Variants in SLC9A9 observed in about 807,000 individuals in gnomAD.
SLC9A9 encodes solute carrier family 9 member A9, also known as sodium/hydrogen exchanger 9.
A neutral mutation model predicts 77.8 loss-of-function variants in SLC9A9; 62 were observed. The ratio of observed to expected loss-of-function variants is 0.80; its 90% CI spans 0.65 to 0.98. The LOEUF is 0.98. Among genes scored for constraint, SLC9A9 ranks in the 50% least tolerant of loss-of-function variants. The pLI, the probability that SLC9A9 is intolerant of heterozygous loss-of-function variation, is 0.00. For missense variants in SLC9A9, 775 were observed against 774.9 expected, an observed-to-expected ratio of 1.00 and a Z score of 0.00; for synonymous variants, 320 against 283.5, an observed-to-expected ratio of 1.13 and a Z score of -1.29.
At chr3:143,615,354 T>C (rs2108704522) in intron 6 of SLC9A9, among the ~76,000 whole-genome samples, 1 of 152,342 alleles carries the variant, frequency 6.6e-6, no homozygotes, top group African/African-American at 2.4e-5. Flanking sequence ...CTGACCGAGA[T>C]TGAATACAGG....
chr3:143,423,517 G>C (rs997062813), intron 12 of SLC9A9, among the ~76,000 whole-genome samples: 2 of 152,112 alleles, frequency 1.3e-5, no homozygotes, highest in African/African-American at 4.8e-5. Context: ...ACATGTTAAG[G>C]GCGGAGCAGA....
At chr3:143,366,656 T>C (rs1463250840) in intron 13 of SLC9A9, among the ~76,000 whole-genome samples, 5 of 152,230 alleles carry the variant, frequency 3.3e-5, no homozygotes, top group Admixed American at 2.6e-4. Context: ...CAGACACTAT[T>C]CTAAGTACTT....
At chr3:143,394,087 C>T (rs900378238) in intron 12 of SLC9A9, among the ~76,000 whole-genome samples, 1 of 152,186 alleles carries the variant, frequency 6.6e-6, no homozygotes, top group Non-Finnish European at 1.5e-5. Context: ...GGGAATCCCC[C>T]CTAACTCATT....
intron 5 of SLC9A9, among the ~76,000 whole-genome samples, chr3:143,672,828 C>A (rs1002386581): frequency 2.0e-5 from 3 of 152,196 alleles, no homozygotes; most frequent in African/African-American, 7.2e-5. Flanking sequence ...TCCCCCCAAC[C>A]TTTAAAAAAT....
intron 4 of SLC9A9, among the ~76,000 whole-genome samples, chr3:143,703,609 G>A (rs1347143868): frequency 6.6e-6 from 1 of 151,514 alleles, no homozygotes; most frequent in Admixed American, 6.6e-5. Context: ...CCTATATCAA[G>A]GAAGAAAAAA....
At chr3:143,713,493 G>T (rs1934250882) in intron 4 of SLC9A9, among the ~76,000 whole-genome samples, 1 of 152,152 alleles carries the variant, frequency 6.6e-6, no homozygotes, top group Non-Finnish European at 1.5e-5. Context: ...CTCTAGAAAG[G>T]CAGGGGAACA....
At chr3:143,619,668 G>A (rs923667790) in intron 6 of SLC9A9, among the ~76,000 whole-genome samples, 3 of 152,140 alleles carry the variant, frequency 2.0e-5, no homozygotes, top group Admixed American at 6.5e-5. Flanking sequence ...GGATAAACTA[G>A]CTCTCATTAA....
intron 6 of SLC9A9, among the ~76,000 whole-genome samples, chr3:143,634,973 T>C (rs2038492550): frequency 6.6e-6 from 1 of 152,132 alleles, no homozygotes; most frequent in Non-Finnish European, 1.5e-5. Context: ...TGTTTTAATT[T>C]GGGTTTTGTC....
intron 8 of SLC9A9, among the ~76,000 whole-genome samples, chr3:143,562,135 C>A (rs1327834847): frequency 1.3e-5 from 2 of 152,212 alleles, no homozygotes; most frequent in Admixed American, 1.3e-4. Flanking sequence ...GTATGAGGAA[C>A]ACAAGACTGA....
At chr3:143,467,268 T>C (rs1359889634) in intron 11 of SLC9A9, 78 bp from the exon 12 acceptor site, 1 of 1,537,816 alleles carries the variant, frequency 6.5e-7, no homozygotes, top group Non-Finnish European at 8.9e-7. Flanking sequence ...CTTTACAATT[T>C]GCTGACACAA....
At chr3:143,415,795 T>C (rs143075686) in intron 12 of SLC9A9, among the ~76,000 whole-genome samples, 4,054 of 152,302 alleles carry the variant, frequency 0.027, 84 homozygotes, top group African/African-American at 0.054. Flanking sequence ...CTGCCATAGA[T>C]AGTGATTCCT....
At chr3:143,326,563 C>T (rs1054997056) in intron 14 of SLC9A9, among the ~76,000 whole-genome samples, 5 of 152,100 alleles carry the variant, frequency 3.3e-5, no homozygotes, top group Admixed American at 2.0e-4. Context: ...ATGTGCTGGT[C>T]CTTCTGCATG....
intron 6 of SLC9A9, among the ~76,000 whole-genome samples, chr3:143,600,851 A>G (rs2037835043): frequency 6.6e-6 from 1 of 152,204 alleles, no homozygotes; most frequent in Non-Finnish European, 1.5e-5. Flanking sequence ...ACTGTGCCCA[A>G]GGCTAAGTGA....
chr3:143,635,009 A>T (rs1036661136), intron 6 of SLC9A9, among the ~76,000 whole-genome samples: 40 of 151,986 alleles, frequency 2.6e-4, no homozygotes, highest in African/African-American at 8.9e-4. Flanking sequence ...TGCAGAGCAA[A>T]CCACCCCACA....
At chr3:143,677,823 CTTTTT>C (rs553429664) in intron 5 of SLC9A9, among the ~76,000 whole-genome samples, 6 of 110,266 alleles carry the variant, frequency 5.4e-5, no homozygotes, top group Admixed American at 1.9e-4. Flanking sequence ...TCTTCAGAGT[CTTTTT>C]TTTTTTTTTT....
chr3:143,365,075 A>G (rs1439395663), intron 13 of SLC9A9, among the ~76,000 whole-genome samples: 1 of 152,208 alleles, frequency 6.6e-6, no homozygotes, highest in Non-Finnish European at 1.5e-5. Context: ...GTACATATAT[A>G]CCCTGGAATA....
chr3:143,633,816 A>T (rs1281336999), intron 6 of SLC9A9, among the ~76,000 whole-genome samples: 1 of 152,222 alleles, frequency 6.6e-6, no homozygotes, highest in Admixed American at 6.5e-5. Flanking sequence ...ATTCTAAAAT[A>T]TGCTTCCAAT....
At chr3:143,442,367 T>C (rs1041885763) in intron 12 of SLC9A9, among the ~76,000 whole-genome samples, 1 of 152,244 alleles carries the variant, frequency 6.6e-6, no homozygotes, top group Non-Finnish European at 1.5e-5. Context: ...GTTTAAAAAC[T>C]GGACAATTAT....
rs1371537132 is a variant in SLC9A9 at position 143,545,210 on chromosome 3, C to T, written c.1089+7152G>A. On this transcript the variant is annotated intron_variant, in intron 9 of 15. Transcript: ENST00000316549. ...TTGATTTTATCCTCCATGAAATCTG[C>T]GTGACAATATCCTAATTAACTCTAC... is the stretch of plus-strand genomic sequence containing the variant. Among the ~76,000 whole-genome samples the T allele has an allele frequency of 3.9e-5, 6 of 152,088 alleles. No homozygotes were observed. The South Asian group carries it at 6.2e-4, about 16-fold the overall frequency.
Sources: gnomAD v4.1 joint callset for allele counts (sites outside exome capture counted in the v4.1 genomes callset) on GRCh38, gnomAD v4.1.1 for gene constraint, MANE v1.5 for transcripts, NCBI Gene and HGNC (gene_info 2026-07-23, HGNC 2026-07-21) for gene names.